Variants in COLEC11 observed in about 807,000 individuals in gnomAD.
The protein encoded by COLEC11 is collectin-11.
In COLEC11, 20 loss-of-function variants were observed where a neutral mutation model predicts 27.3. That is an observed-to-expected ratio of 0.73 (90% CI 0.51 to 1.06). COLEC11 has a LOEUF of 1.06. COLEC11 is among the 50% of genes least tolerant of loss of function. The probability of loss-of-function intolerance (pLI) is 0.00; values close to 1 mark genes in which losing one functional copy is unlikely to be tolerated. For missense variants in COLEC11, 310 were observed against 383.0 expected, an observed-to-expected ratio of 0.81 and a Z score of 1.59; for synonymous variants, 163 against 154.7, an observed-to-expected ratio of 1.05 and a Z score of -0.40.
At chr2:3,610,377 C>T (rs12468106) in intron 2 of COLEC11, among the ~76,000 whole-genome samples, 105,215 of 152,124 alleles carry the variant, frequency 0.69, 36,921 homozygotes, top group South Asian at 0.89. Context: ...ATGGAGCACC[C>T]GCCTTCTTCC....
chr2:3,644,190 A>G lies in COLEC11; in HGVS notation c.*72A>G, dbSNP rs1362638292. 2 of 1,580,378 alleles carry G rather than the reference A, an allele frequency of 1.3e-6. No homozygotes were observed. The highest frequency in any genetic ancestry group is 1.7e-6 in the Non-Finnish European group (2 of 1,164,004). On this transcript the variant is annotated 3_prime_UTR_variant, in exon 7 of 7. Transcript: ENST00000349077. ...GGTTGGCAGGGACAGAGCCCAGACCATGGTGCCAGCCAGGGAGCTGTCCCT... is the reference window on the plus strand; with the variant it reads ...GGTTGGCAGGGACAGAGCCCAGACCGTGGTGCCAGCCAGGGAGCTGTCCCT...
chr2:3,605,822 C>T (rs1480732460), intron 2 of COLEC11: 2 of 372,056 alleles, frequency 5.4e-6, no homozygotes, highest in African/African-American at 2.1e-5. Context: ...CAGCCCTCTC[C>T]CGGGGCACAG....
At chr2:3,636,051 C>A (rs1374842034) in intron 3 of COLEC11, among the ~76,000 whole-genome samples, 1 of 152,248 alleles carries the variant, frequency 6.6e-6, no homozygotes. Context: ...GGGAACGTTA[C>A]ATCTGCTTCG....
intron 3 of COLEC11, among the ~76,000 whole-genome samples, chr2:3,619,977 G>A (rs1664066071): frequency 6.6e-6 from 1 of 152,148 alleles, no homozygotes; most frequent in Admixed American, 6.5e-5. Flanking sequence ...GCATTGTGTT[G>A]AAGATTTTTG....
chr2:3,606,597 T>TC (rs1662720270), intron 2 of COLEC11, among the ~76,000 whole-genome samples: 2 of 152,134 alleles, frequency 1.3e-5, no homozygotes, highest in Admixed American at 1.3e-4. Flanking sequence ...CAGCCCCTGC[T>TC]CCTTGCTCTG....
In COLEC11 at chr2:3,617,401, C is replaced by G. The variant is rs901880924; in HGVS notation, c.202+4019C>G. 6 of 910,852 alleles carry G rather than the reference C, an allele frequency of 6.6e-6. No individual in the cohort carries two copies. In the East Asian group the frequency reaches 1.3e-4, roughly 19 times the overall value. The allele number at this position is 910,852 out of a possible 1,614,324, so 56.4% of individuals were successfully genotyped here. On this transcript the variant is annotated intron_variant, in intron 3 of 6. Transcript: ENST00000349077. ...AGAGACAGGCGCGGCCTTCGTTGTC[C>G]GTAGTTCTTTGATGTGAAAGGGGCA...
Position 3,644,644 on chromosome 2 carries a change from A to C in COLEC11, c.*526A>C, listed in dbSNP as rs186944632. The C allele has an allele frequency of 3.3e-5, 12 of 360,882 alleles. No individual in the cohort carries two copies. In the East Asian group the frequency reaches 8.8e-4, roughly 26 times the overall value. The allele number at this position is 360,882 out of a possible 1,614,324, so 22.4% of individuals were successfully genotyped here. A position where few individuals can be genotyped will look rare whatever the true frequency, so the allele number is the denominator to read the frequency against. ...ACAACAACAAAATTCTCCAAACTTT[A>C]CTACTAAATGTGTGGAGTCATTTTG... On this transcript the variant is annotated 3_prime_UTR_variant, in exon 7 of 7. Coordinates refer to ENST00000349077, the MANE Select transcript of COLEC11 (RefSeq NM_024027.5).
chr2:3,641,300 G>C, intron 5 of COLEC11: 1 of 1,303,954 alleles, frequency 7.7e-7, no homozygotes. Flanking sequence ...TTGCCGGTGT[G>C]ACTTGGCTGA....
intron 6 of COLEC11, 54 bp downstream of exon 6, chr2:3,643,593 G>A (rs2147974463): frequency 6.3e-7 from 1 of 1,599,574 alleles, no homozygotes; most frequent in Non-Finnish European, 8.6e-7. Context: ...GCCCTGTCCT[G>A]AGCCCCCCGG....
At chr2:3,613,493 C>T in intron 3 of COLEC11, 111 bp downstream of exon 3, 1 of 1,158,534 alleles carries the variant, frequency 8.6e-7, no homozygotes, top group Non-Finnish European at 1.3e-6. Context: ...AGGCCCTGCC[C>T]TCTGGGTCCC....
chr2:3,617,542 G>A lies in COLEC11; in HGVS notation c.202+4160G>A, dbSNP rs546876944. The stretch of plus-strand genomic sequence containing the variant: ...TATACAGTGCATATTGGCGGCGCAC[G>A]CCTCACTACGATTTGCCTGCTTGCT... On this transcript the variant is annotated intron_variant, in intron 3 of 6. Coordinates refer to ENST00000349077, the MANE Select transcript of COLEC11 (RefSeq NM_024027.5). The A allele has an allele frequency of 4.8e-4, 747 of 1,567,606 alleles. 11 individuals carry two copies. In the South Asian group the frequency reaches 7.7e-3, roughly 16 times the overall value.
rs115884437 is a variant in COLEC11 at position 3,608,654 on chromosome 2, C to T, written c.130+4184C>T. ...CCAGGGCAACAGAGTAAGACCCCAT[C>T]TCTGGAAAACAAAAAACAAAAACAA... is the stretch of plus-strand genomic sequence containing the variant. On this transcript the variant is annotated intron_variant, in intron 2 of 6. Coordinates refer to ENST00000349077, the MANE Select transcript of COLEC11 (RefSeq NM_024027.5). Among the ~76,000 whole-genome samples, 564 of 152,274 alleles carry T rather than the reference C, an allele frequency of 3.7e-3. 4 individuals carry two copies. The highest frequency in any genetic ancestry group is 0.013 in the African/African-American group (543 of 41,556).
chr2:3,643,621 C>T, intron 6 of COLEC11, 82 bp downstream of exon 6: 1 of 1,598,400 alleles, frequency 6.3e-7, no homozygotes, highest in Non-Finnish European at 8.6e-7. Context: ...TCTGCCGTGC[C>T]CACGCCTGCC....
At chr2:3,613,201 C>T (rs1196362200) in intron 2 of COLEC11, 110 bp from the exon 3 acceptor site, 2 of 1,208,954 alleles carry the variant, frequency 1.7e-6, no homozygotes, top group African/African-American at 1.5e-5. Context: ...GGGGCTTGGC[C>T]ACCTGCAGGG....
chr2:3,616,933 G>A (rs925622910), intron 3 of COLEC11, among the ~76,000 whole-genome samples: 5 of 152,168 alleles, frequency 3.3e-5, no homozygotes, highest in African/African-American at 9.7e-5. Context: ...ATAATATTCC[G>A]TTATATATGT....
chr2:3,622,096 G>T (rs1664227977), intron 3 of COLEC11, among the ~76,000 whole-genome samples: 1 of 151,796 alleles, frequency 6.6e-6, no homozygotes, highest in Admixed American at 6.6e-5. Context: ...TTGAACCCGG[G>T]AGGTGGAGCT....
At chr2:3,613,187 A>T (rs1663364109) in intron 2 of COLEC11, 124 bp from the exon 3 acceptor site, 1 of 1,006,142 alleles carries the variant, frequency 9.9e-7, no homozygotes, top group Admixed American at 2.0e-5. Flanking sequence ...AGGTAGGGAG[A>T]GAAGGGGCTT....
At chr2:3,606,244 G>C (rs1662687826) in intron 2 of COLEC11, 2 of 1,550,426 alleles carry the variant, frequency 1.3e-6, no homozygotes, top group Non-Finnish European at 1.7e-6. Context: ...GCCCTGCCAG[G>C]TCAGTAGCCT....
intron 3 of COLEC11, among the ~76,000 whole-genome samples, chr2:3,626,305 C>G (rs1407144619): frequency 6.6e-6 from 1 of 152,256 alleles, no homozygotes; most frequent in Non-Finnish European, 1.5e-5. Context: ...AGACGTGGAA[C>G]CAGACAGTCC....
Sources: allele counts gnomAD v4.1 joint callset (sites outside exome capture counted in the v4.1 genomes callset), GRCh38; gene constraint gnomAD v4.1.1; transcripts MANE v1.5; gene names NCBI Gene and HGNC (gene_info 2026-07-23, HGNC 2026-07-21).